Variants in EIF4E2 observed in about 807,000 individuals in gnomAD.
EIF4E2 encodes eukaryotic translation initiation factor 4E type 2.
In EIF4E2, 13 loss-of-function variants were observed where a neutral mutation model predicts 34.2. That is an observed-to-expected ratio of 0.38 (90% CI 0.25 to 0.60). EIF4E2 has a LOEUF of 0.60. EIF4E2 is among the 20% of genes least tolerant of loss of function. EIF4E2 has a pLI of 0.62. For missense variants in EIF4E2, 222 were observed against 315.1 expected, an observed-to-expected ratio of 0.70 and a Z score of 2.24; for synonymous variants, 100 against 106.6, an observed-to-expected ratio of 0.94 and a Z score of 0.38.
chr2:232,569,616 C>T (rs1693043528), downstream of EIF4E2: 1 of 152,490 alleles, frequency 6.6e-6, no homozygotes, highest in African/African-American at 2.4e-5. Context: ...TAAATCCCTG[C>T]TTCTGTCTGT....
chr2:232,580,084 C>CCCCA (rs1416289324), intron 6 of EIF4E2, among the ~76,000 whole-genome samples: 2 of 145,170 alleles, frequency 1.4e-5, no homozygotes, highest in Non-Finnish European at 3.0e-5. Context: ...CACATACATA[C>CCCCA]CACACACACA....
At chr2:232,551,005 G>A (rs1692291343) in intron 1 of EIF4E2, 1 of 612,874 alleles carries the variant, frequency 1.6e-6, no homozygotes, top group Non-Finnish European at 2.9e-6. Flanking sequence ...CCGGTAGGGG[G>A]AGATTTTCGG....
chr2:232,583,371 T>C (rs1693405150), exon 7 of EIF4E2: 1 of 153,710 alleles, frequency 6.5e-6, no homozygotes, highest in Non-Finnish European at 1.4e-5. Context: ...TTTACTGGGT[T>C]TTCTGTTTGA....
At chr2:232,573,273 A>G (rs1693134031), downstream of EIF4E2, among the ~76,000 whole-genome samples, 1 of 152,238 alleles carries the variant, frequency 6.6e-6, no homozygotes, top group South Asian at 2.1e-4. Flanking sequence ...TGGTTAACTC[A>G]TAAATGTAGT....
chr2:232,556,457 A>G lies in EIF4E2; in HGVS notation c.62A>G (p.Glu21Gly). 2 of 1,613,948 alleles carry G rather than the reference A, an allele frequency of 1.2e-6. No homozygotes were observed. The highest frequency in any genetic ancestry group is 1.7e-6 in the Non-Finnish European group (2 of 1,179,952). Residue 21 changes from glutamate to glycine, a missense_variant, in exon 2 of 7, where the codon GAA (glutamate) becomes GGA (glycine). By Grantham distance (98) the Glu-to-Gly change is moderately conservative (BLOSUM62 -2). Transcript: ENST00000258416. ...AGTGGGGACCATGATCAGAATGAAG[A>G]AAACAGCACACAGAAAGATGGTGAG... is the stretch of plus-strand genomic sequence containing the variant. ...DDSGDHDQNE[E>G]NSTQKDGEKE...
chr2:232,556,551 T>G (rs1224178423), intron 2 of EIF4E2, 21 bp downstream of exon 2: 4 of 1,532,324 alleles, frequency 2.6e-6, no homozygotes, highest in Admixed American at 1.8e-5. Flanking sequence ...GCTGCACAGA[T>G]GTAGTTGCCT....
intron 6 of EIF4E2, among the ~76,000 whole-genome samples, chr2:232,579,099 A>C (rs1320370518): frequency 1.3e-5 from 2 of 149,312 alleles, no homozygotes; most frequent in Admixed American, 1.4e-4. Context: ...AACACAGCAT[A>C]TTTTCCCTAA....
At chr2:232,551,025 C>T in intron 1 of EIF4E2, 1 of 616,890 alleles carries the variant, frequency 1.6e-6, no homozygotes, top group Non-Finnish European at 2.9e-6. Context: ...GACGCCCCGC[C>T]CTGGTGGATG....
chr2:232,565,047 C>CTG (rs3838535), intron 4 of EIF4E2, among the ~76,000 whole-genome samples: 46,368 of 152,010 alleles, frequency 0.31, 7,591 homozygotes, highest in Admixed American at 0.41. Context: ...AGACCTAGAA[C>CTG]TTTGCAGAGC....
chr2:232,579,765 A>C (rs1013425484), intron 6 of EIF4E2, among the ~76,000 whole-genome samples: 2 of 152,198 alleles, frequency 1.3e-5, no homozygotes, highest in African/African-American at 2.4e-5. Flanking sequence ...GTTCAAGACC[A>C]ACCTGGGCAA....
At chr2:232,561,847 T>G (rs1231199220) in intron 3 of EIF4E2, among the ~76,000 whole-genome samples, 1 of 149,882 alleles carries the variant, frequency 6.7e-6, no homozygotes, top group Non-Finnish European at 1.5e-5. Context: ...TTTCGGCACC[T>G]CATATTCTGA....
Position 232,566,426 on chromosome 2 carries a change from G to A in EIF4E2, c.376-403G>A, listed in dbSNP as rs529622238. Among the ~76,000 whole-genome samples the A allele has an allele frequency of 2.6e-4, 40 of 152,314 alleles. No individual in the cohort carries two copies. Among genetic ancestry groups the A allele is most frequent in the Non-Finnish European group, 4.3e-4 (29 of 68,026 alleles). The stretch of plus-strand genomic sequence containing the variant: ...AGGATGGTCTCGATCTCCTCACCTC[G>A]TGATTCGCCCACCTCAGCCTTCCAA... On this transcript the variant is annotated intron_variant, in intron 4 of 6. Coordinates refer to ENST00000258416, the MANE Select transcript of EIF4E2 (RefSeq NM_004846.4). This position sits in a 1 kb window ranked among gnomAD's most constrained non-coding sequence, Gnocchi z 4.9.
At chr2:232,568,872 C>T (rs1444291438) in intron 6 of EIF4E2, 73 bp from the exon 7 acceptor site, 2 of 1,600,362 alleles carry the variant, frequency 1.2e-6, no homozygotes, top group Non-Finnish European at 1.7e-6. Flanking sequence ...CTCTTTGAGA[C>T]CCAGATGCTA....
In EIF4E2 at chr2:232,566,812, T is replaced by C; in HGVS notation, c.376-17T>C. ...TGAAACCATATTTTAACTTCAGTGCTTTCTGTCTTTTTACAGGATGATGCA... is the reference window on the plus strand; with the variant it reads ...TGAAACCATATTTTAACTTCAGTGCCTTCTGTCTTTTTACAGGATGATGCA... On this transcript the variant is annotated splice_polypyrimidine_tract_variant and intron_variant, in intron 4 of 6. Coordinates refer to ENST00000258416, the MANE Select transcript of EIF4E2 (RefSeq NM_004846.4). The surrounding 1 kb of genome is among the most constrained non-coding windows in gnomAD (Gnocchi z 4.9). 6.2e-7 allele frequency: 1 copy of C among 1,613,930 alleles called. No individual in the cohort carries two copies. The highest frequency in any genetic ancestry group is 8.5e-7 in the Non-Finnish European group (1 of 1,179,976).
intron 1 of EIF4E2, chr2:232,551,331 C>A: frequency 2.1e-6 from 1 of 469,592 alleles, no homozygotes; most frequent in Non-Finnish European, 4.4e-6. Flanking sequence ...CCAACACACT[C>A]GCCAAGACCT....
At chr2:232,579,255 T>C (rs1305530040) in intron 6 of EIF4E2, among the ~76,000 whole-genome samples, 1 of 152,158 alleles carries the variant, frequency 6.6e-6, no homozygotes, top group Non-Finnish European at 1.5e-5. Context: ...GGGTCTATCC[T>C]TTTGAAAAGA....
downstream of EIF4E2, among the ~76,000 whole-genome samples, chr2:232,572,548 G>C (rs188637461): frequency 1.9e-3 from 283 of 152,150 alleles, 2 homozygotes; most frequent in African/African-American, 6.5e-3. Context: ...TGTATTTTTA[G>C]TAGAGACGGG....
At chr2:232,559,721 A>AT (rs1272006234) in intron 3 of EIF4E2, among the ~76,000 whole-genome samples, 1 of 150,906 alleles carries the variant, frequency 6.6e-6, no homozygotes, top group Non-Finnish European at 1.5e-5. Context: ...AGGTGGGAAG[A>AT]TTGTTTGAGC....
rs765729211 is a variant in EIF4E2 at position 232,557,964 on chromosome 2, C to T, written c.216C>T (p.Pro72=). 10 of 1,614,168 alleles carry T rather than the reference C, an allele frequency of 6.2e-6. No homozygotes were observed. Among genetic ancestry groups the T allele is most frequent in the African/African-American group, 1.3e-5 (1 of 75,038 alleles). The change falls in exon 3 of 7, where the codon CCC becomes CCT. Residue 72 remains proline, a synonymous_variant. Transcript: ENST00000258416. ...FWYSRRTPGR[P]TSSQSYEQNI... ...ACTCCAGGAGAACCCCCGGCCGTCC[C>T]ACGAGCTCACAGAGCTATGAACAGA...
Sources: allele counts gnomAD v4.1 joint callset (sites outside exome capture counted in the v4.1 genomes callset), GRCh38; gene constraint gnomAD v4.1.1; non-coding constraint Gnocchi (gnomAD v3.1); transcripts MANE v1.5; gene names NCBI Gene and HGNC (gene_info 2026-07-23, HGNC 2026-07-21).